Variants in DTNB observed in about 807,000 individuals in gnomAD.
DTNB encodes dystrobrevin beta.
In DTNB, 63 loss-of-function variants were observed where a neutral mutation model predicts 90.7. That is an observed-to-expected ratio of 0.69 (90% CI 0.57 to 0.86). DTNB has a LOEUF of 0.86. Ranked by LOEUF, DTNB falls within the 40% of genes least tolerant of loss-of-function variation. The probability of loss-of-function intolerance (pLI) is 0.00; values close to 1 mark genes in which losing one functional copy is unlikely to be tolerated. For synonymous variants in DTNB, 277 were observed against 286.7 expected (o/e 0.97, Z 0.34); for missense variants, 744 against 807.1 (o/e 0.92, Z 0.95).
intron 10 of DTNB, among the ~76,000 whole-genome samples, chr2:25,459,147 G>A (rs2060529500): frequency 6.6e-6 from 1 of 151,800 alleles, no homozygotes; most frequent in African/African-American, 2.4e-5. Flanking sequence ...CATACAGTTT[G>A]TTGTGTTTAT....
intron 16 of DTNB, among the ~76,000 whole-genome samples, chr2:25,393,082 T>A (rs917603614): frequency 6.6e-6 from 1 of 152,146 alleles, no homozygotes; most frequent in Non-Finnish European, 1.5e-5. Context: ...TGGTTTAACA[T>A]ACGTAAGTCA....
intron 10 of DTNB, among the ~76,000 whole-genome samples, chr2:25,477,505 A>G (rs2063965191): frequency 1.3e-5 from 2 of 152,236 alleles, no homozygotes; most frequent in African/African-American, 4.8e-5. Flanking sequence ...TAAAAGTGCT[A>G]GCAATTAGGA....
chr2:25,388,521 T>C, intron 16 of DTNB, 160 bp from the exon 17 acceptor site: 1 of 989,886 alleles, frequency 1.0e-6, no homozygotes, highest in Non-Finnish European at 1.4e-6. Flanking sequence ...CTTCCAAGAC[T>C]GGAGAGAGGA....
At chr2:25,567,629 T>C (rs917721571) in intron 8 of DTNB, among the ~76,000 whole-genome samples, 1 of 152,196 alleles carries the variant, frequency 6.6e-6, no homozygotes, top group African/African-American at 2.4e-5. Flanking sequence ...AGGTGAAATT[T>C]CCATACTATC....
intron 9 of DTNB, among the ~76,000 whole-genome samples, chr2:25,509,746 C>CTTTTTTTTTT (rs36101268): frequency 9.1e-4 from 76 of 83,734 alleles, no homozygotes; most frequent in Non-Finnish European, 1.3e-3. Context: ...CTTTTAGATT[C>CTTTTTTTTTT]TTTTTTTTTT....
chr2:25,434,399 C>CTTTT (rs1179596539), intron 12 of DTNB, among the ~76,000 whole-genome samples: 1,402 of 95,482 alleles, frequency 0.015, 126 homozygotes, highest in African/African-American at 0.044. Flanking sequence ...ATGAACTAGT[C>CTTTT]TTTTTTTTTT....
intron 1 of DTNB, among the ~76,000 whole-genome samples, chr2:25,667,803 C>T (rs1054499476): frequency 5.9e-5 from 9 of 152,168 alleles, no homozygotes; most frequent in Non-Finnish European, 1.0e-4. Flanking sequence ...AATGTCTACA[C>T]AAAAACCTGC....
chr2:25,580,058 T>C (rs866026144), intron 7 of DTNB, among the ~76,000 whole-genome samples: 1 of 147,330 alleles, frequency 6.8e-6, no homozygotes, highest in Non-Finnish European at 1.5e-5. Context: ...CTCAACTCAT[T>C]GCAGCCTCCA....
chr2:25,481,816 T>C (rs1032257460), intron 10 of DTNB: 22 of 152,264 alleles, frequency 1.4e-4, no homozygotes, highest in African/African-American at 5.3e-4. Context: ...CTGGGTCTGA[T>C]GTTGTCCCAG....
intron 19 of DTNB, among the ~76,000 whole-genome samples, chr2:25,381,679 T>C (rs1175268034): frequency 6.6e-6 from 1 of 152,254 alleles, no homozygotes; most frequent in Non-Finnish European, 1.5e-5. Flanking sequence ...CCCAGCCTAG[T>C]CTGACCTTTT....
intron 10 of DTNB, among the ~76,000 whole-genome samples, chr2:25,471,642 T>C (rs1226564963): frequency 6.6e-6 from 1 of 152,152 alleles, no homozygotes; most frequent in Non-Finnish European, 1.5e-5. Context: ...GCAATCCAGA[T>C]CCACCTGCCT....
chr2:25,507,212 T>G (rs1032019096), intron 9 of DTNB, among the ~76,000 whole-genome samples: 1 of 152,200 alleles, frequency 6.6e-6, no homozygotes, highest in Admixed American at 6.5e-5. Context: ...ATGCTTTTCA[T>G]TTTGAAGATG....
chr2:25,532,743 A>G (rs1015095785), intron 8 of DTNB, among the ~76,000 whole-genome samples: 1 of 152,204 alleles, frequency 6.6e-6, no homozygotes, highest in Non-Finnish European at 1.5e-5. Flanking sequence ...AAAAAGTTTA[A>G]ATATTTCATT....
chr2:25,386,217 A>C (rs1435887147), intron 18 of DTNB: 1 of 622,720 alleles, frequency 1.6e-6, no homozygotes, highest in African/African-American at 2.0e-5. Context: ...CTGTATGAAA[A>C]CAGGCAGACT....
intron 5 of DTNB, among the ~76,000 whole-genome samples, chr2:25,600,070 C>A (rs373745233): frequency 6.6e-6 from 1 of 152,138 alleles, no homozygotes; most frequent in Non-Finnish European, 1.5e-5. Flanking sequence ...TACACTCCAG[C>A]CTGGGTAACA....
At chr2:25,530,378 A>G (rs1382783129) in intron 9 of DTNB, among the ~76,000 whole-genome samples, 1 of 151,762 alleles carries the variant, frequency 6.6e-6, no homozygotes, top group African/African-American at 2.4e-5. Flanking sequence ...TGGAGGCTGC[A>G]GTGAGCCGAG....
At chr2:25,456,511 T>C (rs2060049115) in intron 10 of DTNB, among the ~76,000 whole-genome samples, 1 of 152,160 alleles carries the variant, frequency 6.6e-6, no homozygotes, top group Admixed American at 6.5e-5. Context: ...ACTTTGCAAA[T>C]GGCTGGTAGG....
intron 8 of DTNB, among the ~76,000 whole-genome samples, chr2:25,554,899 A>G (rs1230997791): frequency 2.6e-5 from 4 of 152,214 alleles, no homozygotes; most frequent in Non-Finnish European, 5.9e-5. Flanking sequence ...AAAATACTAA[A>G]CACCAAATTT....
At chr2:25,489,122 T>C (rs2066833117) in intron 9 of DTNB, among the ~76,000 whole-genome samples, 1 of 152,176 alleles carries the variant, frequency 6.6e-6, no homozygotes, top group African/African-American at 2.4e-5. Context: ...TTTCATGCAG[T>C]TCCCTTGCGG....
Sources: allele counts gnomAD v4.1 joint callset (sites outside exome capture counted in the v4.1 genomes callset), GRCh38; gene constraint gnomAD v4.1.1; transcripts MANE v1.5; gene names NCBI Gene and HGNC (gene_info 2026-07-23, HGNC 2026-07-21).